ERICH3: variants seen among roughly 807,000 people sequenced by gnomAD.
ERICH3 encodes the protein glutamate rich 3.
Under a neutral mutation model 131.1 loss-of-function variants are expected in ERICH3, and 126 were observed. The ratio of observed to expected loss-of-function variants is 0.96; its 90% CI spans 0.83 to 1.11. ERICH3 has a LOEUF of 1.11. Ranked by LOEUF, ERICH3 falls within the 50% of genes most tolerant of loss-of-function variation. The probability of loss-of-function intolerance (pLI) is 0.00; values close to 1 mark genes in which losing one functional copy is unlikely to be tolerated. For missense variants in ERICH3, 2,050 were observed against 1,810.7 expected, an observed-to-expected ratio of 1.13 and a Z score of -2.40; for synonymous variants, 695 against 644.6, an observed-to-expected ratio of 1.08 and a Z score of -1.18.
intron 7 of ERICH3, chr1:74,625,119 T>G (rs1375021588): frequency 6.6e-6 from 1 of 152,112 alleles, no homozygotes; most frequent in African/African-American, 2.4e-5. Flanking sequence ...GACCAATGCA[T>G]GTGGTGTGTC....
rs1264590757 is a variant in ERICH3 at position 74,571,413 on chromosome 1, T to G, written c.4297A>C (p.Thr1433Pro). The G allele has an allele frequency of 6.2e-7, 1 of 1,613,752 alleles. No homozygotes were observed. Among genetic ancestry groups the G allele is most frequent in the Non-Finnish European group, 8.5e-7 (1 of 1,179,972 alleles). Residue 1433 changes from threonine to proline, a missense_variant, in exon 14 of 15, where the codon ACT (threonine) becomes CCT (proline). Transcript: ENST00000326665. ...GTCTTCCGCTCCAGGGCTCCTGGAGTGCCCACCCCAGCCTCTGTTGTATAT... is the reference window on the plus strand; with the variant it reads ...GTCTTCCGCTCCAGGGCTCCTGGAGGGCCCACCCCAGCCTCTGTTGTATAT... ...VTYTTEAGVGTPGALERKTSG... is the reference protein window; with the variant it reads ...VTYTTEAGVGPPGALERKTSG...
chr1:74,612,619 A>G lies in ERICH3; in HGVS notation c.1187+4T>C. The G allele has an allele frequency of 6.5e-7, 1 of 1,542,892 alleles. No individual in the cohort carries two copies. The highest frequency in any genetic ancestry group is 1.2e-5 in the South Asian group (1 of 81,632). On this transcript the variant is annotated splice_donor_region_variant and intron_variant, in intron 9 of 14. Coordinates refer to ENST00000326665, the MANE Select transcript of ERICH3 (RefSeq NM_001002912.5). ...CCTCTACCAAAGGACATTTGTTTCC[A>G]TACTTGTAGCAAGGAGATGATCTCT...
chr1:74,606,930 T>C, intron 9 of ERICH3, 28 bp from the exon 10 acceptor site: 1 of 1,587,670 alleles, frequency 6.3e-7, no homozygotes, highest in Non-Finnish European at 8.6e-7. Context: ...AGGAAGTGTT[T>C]GTTAACCCTT....
At chr1:74,626,857 C>T (rs1649434381) in intron 7 of ERICH3, among the ~76,000 whole-genome samples, 2 of 152,152 alleles carry the variant, frequency 1.3e-5, no homozygotes, top group South Asian at 4.2e-4. Context: ...TACTGATCAT[C>T]CCCAGAGACA....
intron 1 of ERICH3, among the ~76,000 whole-genome samples, chr1:74,673,130 C>T (rs1445688832): frequency 6.6e-6 from 1 of 152,260 alleles, no homozygotes; most frequent in East Asian, 1.9e-4. Context: ...CAAACGAATT[C>T]TTATTTTGGT....
intron 10 of ERICH3, among the ~76,000 whole-genome samples, chr1:74,605,352 T>C (rs887549148): frequency 2.6e-5 from 4 of 151,948 alleles, no homozygotes; most frequent in Non-Finnish European, 5.9e-5. Flanking sequence ...ATTTCTTTTT[T>C]ATCATGCACA....
At chr1:74,654,928 G>A (rs572342498) in intron 1 of ERICH3, among the ~76,000 whole-genome samples, 1 of 152,228 alleles carries the variant, frequency 6.6e-6, no homozygotes, top group African/African-American at 2.4e-5. Context: ...TAAGTATAAT[G>A]ATGGAAAAAT....
At chr1:74,619,780 T>C (rs1649135123) in intron 8 of ERICH3, among the ~76,000 whole-genome samples, 1 of 152,248 alleles carries the variant, frequency 6.6e-6, no homozygotes, top group African/African-American at 2.4e-5. Context: ...TCTGACATCA[T>C]TGAGCATCAT....
At chr1:74,587,099 G>C (rs1647364957) in intron 12 of ERICH3, among the ~76,000 whole-genome samples, 1 of 152,038 alleles carries the variant, frequency 6.6e-6, no homozygotes, top group South Asian at 2.1e-4. Flanking sequence ...ACCGAGGCGG[G>C]TGGATCACGT....
At chr1:74,589,037 T>C (rs952724612) in intron 12 of ERICH3, among the ~76,000 whole-genome samples, 4 of 152,194 alleles carry the variant, frequency 2.6e-5, no homozygotes, top group Admixed American at 2.0e-4. Context: ...CCTGAATTCA[T>C]ATCCTAGGAA....
chr1:74,602,228 G>A (rs772768410), intron 10 of ERICH3, among the ~76,000 whole-genome samples: 110 of 151,962 alleles, frequency 7.2e-4, no homozygotes, highest in African/African-American at 2.5e-3. Context: ...TCTCAAATAT[G>A]AAAGTCAAGG....
At chr1:74,590,471 C>T (rs763572277) in intron 11 of ERICH3, among the ~76,000 whole-genome samples, 29 of 152,138 alleles carry the variant, frequency 1.9e-4, no homozygotes, top group Admixed American at 7.2e-4. Flanking sequence ...GGAGATAATG[C>T]GAGACAGTGG....
chr1:74,641,820 A>G (rs545465864), intron 4 of ERICH3, among the ~76,000 whole-genome samples: 7 of 152,298 alleles, frequency 4.6e-5, no homozygotes, highest in African/African-American at 1.7e-4. Context: ...AAAGTGTTCC[A>G]TGTTTTAAAA....
chr1:74,636,934 A>T (rs1012045775), intron 5 of ERICH3, among the ~76,000 whole-genome samples: 2 of 152,248 alleles, frequency 1.3e-5, no homozygotes, highest in Non-Finnish European at 1.5e-5. Context: ...TTCAAACAAA[A>T]GAGGAAAGGA....
chr1:74,580,944 C>G (rs1350052847), intron 12 of ERICH3, among the ~76,000 whole-genome samples: 3 of 152,144 alleles, frequency 2.0e-5, no homozygotes, highest in African/African-American at 7.2e-5. Context: ...CTGGTAGTCT[C>G]CAATGGCTAT....
At chr1:74,586,574 T>C in intron 12 of ERICH3, 1 of 819,474 alleles carries the variant, frequency 1.2e-6, no homozygotes, top group Non-Finnish European at 1.5e-6. Flanking sequence ...ATCTATAACT[T>C]TTGAACAAAA....
At chr1:74,643,901 G>T (rs1416857932) in intron 3 of ERICH3, among the ~76,000 whole-genome samples, 1 of 152,018 alleles carries the variant, frequency 6.6e-6, no homozygotes, top group Non-Finnish European at 1.5e-5. Context: ...GTAAAAATAT[G>T]AATAGAAAAG....
chr1:74,669,050 T>C (rs1646717861), intron 1 of ERICH3, among the ~76,000 whole-genome samples: 1 of 152,166 alleles, frequency 6.6e-6, no homozygotes, highest in African/African-American at 2.4e-5. Flanking sequence ...GGTTTATCAT[T>C]GCTGTCTCTC....
chr1:74,673,811 G>GCTT, upstream of ERICH3: 1 of 364,458 alleles, frequency 2.7e-6, no homozygotes, highest in Non-Finnish European at 4.8e-6. Flanking sequence ...GCCTGCGGAA[G>GCTT]CTGGAAGTGA....
Sources: gnomAD v4.1 joint callset for allele counts (sites outside exome capture counted in the v4.1 genomes callset) on GRCh38, gnomAD v4.1.1 for gene constraint, MANE v1.5 for transcripts, NCBI Gene and HGNC (gene_info 2026-07-23, HGNC 2026-07-21) for gene names.